Variants in LRRTM4 observed in about 807,000 individuals in gnomAD.
LRRTM4 encodes the protein leucine-rich repeat transmembrane neuronal protein 4.
LRRTM4 carries 25 observed loss-of-function variants against 47.6 expected under a neutral mutation model. That is an observed-to-expected ratio of 0.53 (90% CI 0.38 to 0.73). LRRTM4 has a LOEUF of 0.73. Among genes scored for constraint, LRRTM4 ranks in the 30% least tolerant of loss-of-function variants. The pLI, the probability that LRRTM4 is intolerant of heterozygous loss-of-function variation, is 0.00. For missense variants in LRRTM4, 638 were observed against 713.4 expected, an observed-to-expected ratio of 0.89 and a Z score of 1.20; for synonymous variants, 311 against 269.5, an observed-to-expected ratio of 1.15 and a Z score of -1.51.
At chr2:77,343,523 T>C (rs1671451832) in intron 3 of LRRTM4, among the ~76,000 whole-genome samples, 1 of 151,912 alleles carries the variant, frequency 6.6e-6, no homozygotes, top group African/African-American at 2.4e-5. Flanking sequence ...ATTTTAGTCA[T>C]ATCTGGCTAT....
At chr2:77,166,501 A>G (rs1194388817) in intron 3 of LRRTM4, among the ~76,000 whole-genome samples, 1 of 152,220 alleles carries the variant, frequency 6.6e-6, no homozygotes, top group Non-Finnish European at 1.5e-5. Context: ...TTGCCAAGAC[A>G]ATACTAAGCC....
At chr2:76,931,740 C>G (rs184256621) in intron 3 of LRRTM4, among the ~76,000 whole-genome samples, 1 of 151,952 alleles carries the variant, frequency 6.6e-6, no homozygotes, top group African/African-American at 2.4e-5. Context: ...TCAGTTCCAA[C>G]GTACTTTTTT....
At chr2:77,132,261 G>A (rs4853300) in intron 3 of LRRTM4, among the ~76,000 whole-genome samples, 54,193 of 151,904 alleles carry the variant, frequency 0.36, 10,674 homozygotes, top group African/African-American at 0.53. Flanking sequence ...TTCTGTGTCT[G>A]GCTTATTTCA....
chr2:77,146,015 G>A (rs1178169210), intron 3 of LRRTM4, among the ~76,000 whole-genome samples: 5 of 151,736 alleles, frequency 3.3e-5, no homozygotes, highest in African/African-American at 1.2e-4. Context: ...CTTCAGGTTG[G>A]GTAAACAATG....
At chr2:76,983,764 A>G (rs1179356807) in intron 3 of LRRTM4, among the ~76,000 whole-genome samples, 1 of 152,080 alleles carries the variant, frequency 6.6e-6, no homozygotes, top group East Asian at 1.9e-4. Flanking sequence ...ATCTTCACAA[A>G]TTCAACTTTG....
At chr2:77,036,892 A>C (rs147780015) in intron 3 of LRRTM4, among the ~76,000 whole-genome samples, 130 of 151,866 alleles carry the variant, frequency 8.6e-4, no homozygotes, top group African/African-American at 3.0e-3. Context: ...AAAGACATAT[A>C]GATTATTTAT....
chr2:77,052,812 AT>A (rs1474476095), intron 3 of LRRTM4, among the ~76,000 whole-genome samples: 15 of 152,018 alleles, frequency 9.9e-5, no homozygotes, highest in Admixed American at 9.2e-4. Flanking sequence ...CTGACACAGA[AT>A]TTTTTTAAAA....
chr2:76,782,182 A>G (rs776512658), intron 3 of LRRTM4, among the ~76,000 whole-genome samples: 1 of 152,218 alleles, frequency 6.6e-6, no homozygotes, highest in African/African-American at 2.4e-5. Context: ...TTTGCAACAC[A>G]TGTAAGATTT....
chr2:77,498,527 A>C (rs530040322), intron 3 of LRRTM4, among the ~76,000 whole-genome samples: 1 of 151,906 alleles, frequency 6.6e-6, no homozygotes, highest in South Asian at 2.1e-4. Context: ...CCATACACAT[A>C]ATAGGCAAAC....
chr2:77,133,600 A>C (rs1190207249), intron 3 of LRRTM4, among the ~76,000 whole-genome samples: 1 of 135,036 alleles, frequency 7.4e-6, no homozygotes, highest in Non-Finnish European at 1.5e-5. Flanking sequence ...TTTTGTTTTC[A>C]ATATCACAGG....
chr2:77,241,570 G>A (rs2103991193), intron 3 of LRRTM4, among the ~76,000 whole-genome samples: 1 of 151,972 alleles, frequency 6.6e-6, no homozygotes, highest in East Asian at 1.9e-4. Context: ...CACATAACCA[G>A]CAAAAGAAAA....
At chr2:77,082,239 A>C (rs1192236960) in intron 3 of LRRTM4, among the ~76,000 whole-genome samples, 1 of 152,046 alleles carries the variant, frequency 6.6e-6, no homozygotes, top group African/African-American at 2.4e-5. Flanking sequence ...ATTCTGAGGC[A>C]CAGCTTATTT....
chr2:77,163,898 C>T (rs1489201990), intron 3 of LRRTM4, among the ~76,000 whole-genome samples: 1 of 152,130 alleles, frequency 6.6e-6, no homozygotes, highest in Non-Finnish European at 1.5e-5. Context: ...GAAACTGCAT[C>T]AATTAATGAG....
At chr2:77,403,247 G>GACATCACCCGCACCC (rs1674033197) in intron 3 of LRRTM4, among the ~76,000 whole-genome samples, 1 of 151,774 alleles carries the variant, frequency 6.6e-6, no homozygotes, top group Admixed American at 6.6e-5. Flanking sequence ...TTTTCCCACT[G>GACATCACCCGCACCC]CCATCACCCG....
chr2:77,329,436 A>T (rs1484455908), intron 3 of LRRTM4, among the ~76,000 whole-genome samples: 1 of 152,212 alleles, frequency 6.6e-6, no homozygotes, highest in South Asian at 2.1e-4. Context: ...CACGTTGGAA[A>T]CAAAATCTTA....
intron 3 of LRRTM4, among the ~76,000 whole-genome samples, chr2:77,046,866 C>T (rs2103757842): frequency 6.6e-6 from 1 of 152,020 alleles, no homozygotes; most frequent in East Asian, 1.9e-4. Flanking sequence ...CATTTATCAT[C>T]AAAGCAAATG....
intron 3 of LRRTM4, among the ~76,000 whole-genome samples, chr2:77,016,648 T>G (rs770058869): frequency 1.2e-4 from 18 of 152,224 alleles, no homozygotes; most frequent in Middle Eastern, 3.4e-3. Context: ...GCAGAACATT[T>G]TGCCCCTGAA....
intron 3 of LRRTM4, among the ~76,000 whole-genome samples, chr2:77,394,924 G>T (rs73941267): frequency 0.032 from 4,937 of 151,954 alleles, 279 homozygotes; most frequent in African/African-American, 0.11. Context: ...TGGAACAGGG[G>T]GTGGAGGGTC....
chr2:77,025,497 C>A (rs1678423735), intron 3 of LRRTM4, among the ~76,000 whole-genome samples: 1 of 152,114 alleles, frequency 6.6e-6, no homozygotes, highest in Non-Finnish European at 1.5e-5. Flanking sequence ...TTAGAAATGG[C>A]AAAGATTCTT....
Sources: gnomAD v4.1 joint callset for allele counts (sites outside exome capture counted in the v4.1 genomes callset) on GRCh38, gnomAD v4.1.1 for gene constraint, MANE v1.5 for transcripts, NCBI Gene and HGNC (gene_info 2026-07-23, HGNC 2026-07-21) for gene names.